The following CTNNA2 variants were observed in gnomAD, a reference collection of about 807,000 sequenced individuals.
The protein encoded by CTNNA2 is catenin alpha 2, also known as catenin alpha-2.
In CTNNA2, 42 loss-of-function variants were observed where a neutral mutation model predicts 101.0. The ratio of observed to expected loss-of-function variants is 0.42; its 90% CI spans 0.32 to 0.54. CTNNA2 has a LOEUF of 0.54. Ranked by LOEUF, CTNNA2 falls within the 20% of genes least tolerant of loss-of-function variation. CTNNA2 has a pLI of 0.14. For missense variants in CTNNA2, 871 were observed against 1,223.1 expected, an observed-to-expected ratio of 0.71 and a Z score of 4.29; for synonymous variants, 450 against 456.4, an observed-to-expected ratio of 0.99 and a Z score of 0.18.
chr2:79,621,503 G>C (rs1454597590), intron 1 of CTNNA2, among the ~76,000 whole-genome samples: 1 of 151,988 alleles, frequency 6.6e-6, no homozygotes, highest in Non-Finnish European at 1.5e-5. Context: ...GGCAAAGCTG[G>C]GACAATTTGA....
upstream of CTNNA2, among the ~76,000 whole-genome samples, chr2:79,509,006 TATATATAA>T (rs1248249061): frequency 1.0e-4 from 5 of 48,018 alleles, 1 homozygote; most frequent in Admixed American, 2.6e-4. Flanking sequence ...TATATATATA[TATATATAA>T]ACAATTACCT....
intron 9 of CTNNA2, among the ~76,000 whole-genome samples, chr2:80,482,950 C>T (rs1372714363): frequency 6.6e-6 from 1 of 152,136 alleles, no homozygotes; most frequent in African/African-American, 2.4e-5. Context: ...ACCTGTCTTG[C>T]CCTGGCTCTG....
intron 1 of CTNNA2, among the ~76,000 whole-genome samples, chr2:79,550,334 A>G (rs763700340): frequency 1.3e-5 from 2 of 152,110 alleles, no homozygotes; most frequent in South Asian, 4.2e-4. Flanking sequence ...TTTCCTTGAG[A>G]AGAGGCCATG....
intron 12 of CTNNA2, among the ~76,000 whole-genome samples, chr2:80,557,067 A>G (rs1293014001): frequency 6.6e-6 from 1 of 152,264 alleles, no homozygotes; most frequent in Non-Finnish European, 1.5e-5. Flanking sequence ...AACACAATAC[A>G]TAAACACAGG....
chr2:79,979,425 G>A (rs762668481), intron 7 of CTNNA2, among the ~76,000 whole-genome samples: 3 of 152,054 alleles, frequency 2.0e-5, no homozygotes, highest in Non-Finnish European at 4.4e-5. Flanking sequence ...GGCCTGTGGA[G>A]TATGAGATTT....
At chr2:80,494,426 G>A (rs1276896917) in intron 9 of CTNNA2, among the ~76,000 whole-genome samples, 1 of 152,148 alleles carries the variant, frequency 6.6e-6, no homozygotes, top group African/African-American at 2.4e-5. Context: ...GGCTGTCCCT[G>A]ATGACAGGTG....
intron 2 of CTNNA2, among the ~76,000 whole-genome samples, chr2:79,255,435 A>G (rs1674831588): frequency 6.6e-6 from 1 of 152,236 alleles, no homozygotes; most frequent in Non-Finnish European, 1.5e-5. Flanking sequence ...CATGATGAAA[A>G]TAAGACATCA....
intron 7 of CTNNA2, among the ~76,000 whole-genome samples, chr2:80,182,206 C>T (rs1705829527): frequency 6.6e-6 from 1 of 152,252 alleles, no homozygotes; most frequent in South Asian, 2.1e-4. Flanking sequence ...AGCCCAAGAG[C>T]CCCTGGTAAA....
chr2:79,292,363 A>C lies in CTNNA2; in HGVS notation c.-405-20346A>C, dbSNP rs1161719333. On this transcript the variant is annotated intron_variant, in intron 2 of 21. Coordinates refer to the CTNNA2 transcript ENST00000466387. The stretch of plus-strand genomic sequence containing the variant: ...GAATGCCATAGTTCACTCTGCAGTC[A>C]CTGAGAGCTGAGAGAGTTCCAGCTG... Among the ~76,000 whole-genome samples, 2 of 152,206 alleles carry C rather than the reference A, an allele frequency of 1.3e-5. 1 individual carries two copies. Among genetic ancestry groups the C allele is most frequent in the Non-Finnish European group, 2.9e-5 (2 of 68,038 alleles).
chr2:80,604,428 G>A (rs964810415), intron 16 of CTNNA2, among the ~76,000 whole-genome samples: 6 of 151,846 alleles, frequency 4.0e-5, no homozygotes, highest in African/African-American at 1.2e-4. Flanking sequence ...ATACTACTTA[G>A]GAGACATCAG....
At chr2:79,601,503 TGA>T (rs916367155) in intron 1 of CTNNA2, among the ~76,000 whole-genome samples, 2 of 152,112 alleles carry the variant, frequency 1.3e-5, no homozygotes, top group East Asian at 1.9e-4. Context: ...CTCCATAGCC[TGA>T]GAGAGAGAGT....
chr2:80,423,438 T>TA (rs1156871793), intron 9 of CTNNA2, among the ~76,000 whole-genome samples: 1 of 152,222 alleles, frequency 6.6e-6, no homozygotes, highest in Non-Finnish European at 1.5e-5. Flanking sequence ...CAATTTTTTT[T>TA]TAAATTTCTA....
intron 7 of CTNNA2, among the ~76,000 whole-genome samples, chr2:80,103,916 T>G (rs1262615409): frequency 6.6e-6 from 1 of 152,176 alleles, no homozygotes; most frequent in African/African-American, 2.4e-5. Flanking sequence ...GTATTTTTAG[T>G]AGAGATTGGG....
chr2:80,007,006 G>A (rs181986908), intron 7 of CTNNA2, among the ~76,000 whole-genome samples: 2 of 152,156 alleles, frequency 1.3e-5, no homozygotes, highest in Non-Finnish European at 2.9e-5. Context: ...ATGTTTCAAT[G>A]TTACCCTTTA....
intron 4 of CTNNA2, among the ~76,000 whole-genome samples, chr2:79,467,307 C>T (rs1193156026): frequency 6.6e-6 from 1 of 151,890 alleles, no homozygotes; most frequent in Non-Finnish European, 1.5e-5. Flanking sequence ...TGAAATGAAG[C>T]AAGAAGAGAA....
intron 18 of CTNNA2, among the ~76,000 whole-genome samples, chr2:80,630,523 G>C (rs1252440300): frequency 6.6e-6 from 1 of 152,106 alleles, no homozygotes; most frequent in Non-Finnish European, 1.5e-5. Context: ...TGTAATCCCA[G>C]CTACTTGGGA....
At chr2:80,043,040 C>CTTTCTTTCT (rs1558754587) in intron 7 of CTNNA2, among the ~76,000 whole-genome samples, 2 of 52,742 alleles carry the variant, frequency 3.8e-5, no homozygotes, top group African/African-American at 6.4e-5. Flanking sequence ...TCTTTCTTTC[C>CTTTCTTTCT]TTCTTTCTTT....
chr2:80,230,424 A>G (rs1380503391), intron 7 of CTNNA2, among the ~76,000 whole-genome samples: 5 of 152,018 alleles, frequency 3.3e-5, no homozygotes, highest in African/African-American at 4.8e-5. Context: ...CAGTATTACA[A>G]TAATCAACAT....
chr2:79,504,191 C>T (rs528922668), intron 4 of CTNNA2, among the ~76,000 whole-genome samples: 3 of 152,190 alleles, frequency 2.0e-5, no homozygotes, highest in African/African-American at 4.8e-5. Context: ...TAAAGCATAC[C>T]ACTATATATG....
Sources: gnomAD v4.1 joint callset for allele counts (sites outside exome capture counted in the v4.1 genomes callset) on GRCh38, gnomAD v4.1.1 for gene constraint, MANE v1.5 for transcripts, NCBI Gene and HGNC (gene_info 2026-07-23, HGNC 2026-07-21) for gene names.